The following POU2AF2 variants were observed in gnomAD, a reference collection of about 807,000 sequenced individuals.
POU2AF2 encodes the protein POU domain class 2-associating factor 2.
At chr11:111,250,626 T>C in the POU2AF2 span, among the ~76,000 whole-genome samples, 1 of 152,158 alleles carries the variant, frequency 6.6e-6, no homozygotes, top group East Asian at 1.9e-4. Context: ...ATGTACTCCA[T>C]AAGGAAATGA....
chr11:111,259,744 G>A, the POU2AF2 span, among the ~76,000 whole-genome samples: 1 of 152,124 alleles, frequency 6.6e-6, no homozygotes, highest in Non-Finnish European at 1.5e-5. Flanking sequence ...AAAAAAGTAC[G>A]CACCGGTTCT....
chr11:111,277,756 G>T, the POU2AF2 span, among the ~76,000 whole-genome samples: 1 of 152,174 alleles, frequency 6.6e-6, no homozygotes, highest in Non-Finnish European at 1.5e-5. Flanking sequence ...CATCTCCCTG[G>T]GCGGCACCCA....
At chr11:111,261,641 G>C in the POU2AF2 span, among the ~76,000 whole-genome samples, 37 of 152,270 alleles carry the variant, frequency 2.4e-4, no homozygotes, top group African/African-American at 8.9e-4. Context: ...GGGGAGATGG[G>C]GAAGTGTCGT....
At chr11:111,284,090 T>A in the POU2AF2 span, 1 of 1,613,746 alleles carries the variant, frequency 6.2e-7, no homozygotes, top group Non-Finnish European at 8.5e-7. Flanking sequence ...GCCGGTCACG[T>A]CAGGTTACTA....
chr11:111,270,508 T>C, the POU2AF2 span, among the ~76,000 whole-genome samples: 1 of 152,242 alleles, frequency 6.6e-6, no homozygotes, highest in Non-Finnish European at 1.5e-5. Flanking sequence ...ACCTAGGCTT[T>C]GTAGAAACAG....
the POU2AF2 span, among the ~76,000 whole-genome samples, chr11:111,274,597 A>T: frequency 1.3e-5 from 2 of 151,388 alleles, no homozygotes; most frequent in Non-Finnish European, 2.9e-5. Context: ...AGAGACAGAG[A>T]CAGATAGACA....
At chr11:111,284,166 T>C in the POU2AF2 span, 1 of 1,614,198 alleles carries the variant, frequency 6.2e-7, no homozygotes, top group South Asian at 1.1e-5. Context: ...TCAAATGACG[T>C]CTACACCTCC....
chr11:111,267,865 A>T, the POU2AF2 span, among the ~76,000 whole-genome samples: 3 of 152,214 alleles, frequency 2.0e-5, no homozygotes, highest in Non-Finnish European at 2.9e-5. Flanking sequence ...CTTATGAAAT[A>T]TGAGAAAACA....
At chr11:111,264,384 T>C in the POU2AF2 span, among the ~76,000 whole-genome samples, 1 of 151,808 alleles carries the variant, frequency 6.6e-6, no homozygotes, top group Non-Finnish European at 1.5e-5. Flanking sequence ...TAATCCCAGC[T>C]ACTCAGGAGG....
At chr11:111,278,775 T>C in the POU2AF2 span, among the ~76,000 whole-genome samples, 2 of 152,246 alleles carry the variant, frequency 1.3e-5, no homozygotes, top group African/African-American at 4.8e-5. Flanking sequence ...GGGCTGTGTA[T>C]GCAAGAAGTG....
the POU2AF2 span, among the ~76,000 whole-genome samples, chr11:111,260,984 T>C: frequency 6.6e-6 from 1 of 152,228 alleles, no homozygotes; most frequent in African/African-American, 2.4e-5. Context: ...ACATCTGTTT[T>C]TGATACCATG....
At chr11:111,277,133 C>T in the POU2AF2 span, among the ~76,000 whole-genome samples, 34 of 152,146 alleles carry the variant, frequency 2.2e-4, no homozygotes, top group African/African-American at 8.0e-4. Flanking sequence ...CTGTCAATTG[C>T]AGGTTTAAGA....
chr11:111,259,768 A>G, the POU2AF2 span, among the ~76,000 whole-genome samples: 1 of 152,240 alleles, frequency 6.6e-6, no homozygotes, highest in East Asian at 1.9e-4. Flanking sequence ...CATGGTAGCT[A>G]TTCTCAGGCA....
At chr11:111,249,390 A>G in the POU2AF2 span, among the ~76,000 whole-genome samples, 4 of 152,218 alleles carry the variant, frequency 2.6e-5, no homozygotes, top group Non-Finnish European at 5.9e-5. Flanking sequence ...TACTCAGCAT[A>G]TTTTAAAGAA....
chr11:111,273,278 A>G, the POU2AF2 span, among the ~76,000 whole-genome samples: 1 of 152,092 alleles, frequency 6.6e-6, no homozygotes, highest in African/African-American at 2.4e-5. Context: ...CCATTTAAAG[A>G]CTAACTGTGT....
At chr11:111,271,724 C>G in the POU2AF2 span, among the ~76,000 whole-genome samples, 1 of 152,046 alleles carries the variant, frequency 6.6e-6, no homozygotes, top group Admixed American at 6.6e-5. Context: ...GTACCTGGCA[C>G]AAAAAAGGCT....
chr11:111,280,586 C>T, the POU2AF2 span, among the ~76,000 whole-genome samples: 2 of 152,106 alleles, frequency 1.3e-5, no homozygotes, highest in Admixed American at 1.3e-4. Flanking sequence ...ACCACCTGCC[C>T]GTTAGTGTCT....
At chr11:111,284,200 T>C in the POU2AF2 span, 1 of 1,614,258 alleles carries the variant, frequency 6.2e-7, no homozygotes, top group East Asian at 2.2e-5. Context: ...CGTTTCCCTG[T>C]GAGTCCTCCG....
the POU2AF2 span, among the ~76,000 whole-genome samples, chr11:111,265,832 G>C: frequency 6.7e-6 from 1 of 150,190 alleles, no homozygotes; most frequent in Non-Finnish European, 1.5e-5. Context: ...AAGGCTACTG[G>C]GTAACTTTTG....
Sources: gnomAD v4.1 joint callset for allele counts (sites outside exome capture counted in the v4.1 genomes callset) on GRCh38, gnomAD v4.1.1 for gene constraint, MANE v1.5 for transcripts, NCBI Gene and HGNC (gene_info 2026-07-23, HGNC 2026-07-21) for gene names.